The following SAMD12 variants were observed in gnomAD, a reference collection of about 807,000 sequenced individuals.
The protein encoded by SAMD12 is sterile alpha motif domain-containing protein 12.
Under a neutral mutation model 15.0 loss-of-function variants are expected in SAMD12, and 9 were observed. The ratio of observed to expected loss-of-function variants is 0.60; its 90% CI spans 0.36 to 1.05. The LOEUF is 1.05. SAMD12 is among the 50% of genes least tolerant of loss of function. The pLI is 0.01. For synonymous variants in SAMD12, 86 were observed against 90.1 expected, an observed-to-expected ratio of 0.96 and a Z score of 0.25; for missense variants, 230 against 234.2, an observed-to-expected ratio of 0.98 and a Z score of 0.12.
intron 2 of SAMD12, among the ~76,000 whole-genome samples, chr8:118,548,856 T>C (rs1826223650): frequency 6.6e-6 from 1 of 152,044 alleles, no homozygotes; most frequent in African/African-American, 2.4e-5. Flanking sequence ...ACTTAAAAAA[T>C]GGTGCACCAC....
chr8:118,449,828 A>G (rs1404021767), intron 2 of SAMD12, among the ~76,000 whole-genome samples: 1 of 151,690 alleles, frequency 6.6e-6, no homozygotes, highest in Non-Finnish European at 1.5e-5. Flanking sequence ...CAACAAAAAA[A>G]AAGGTGAGAA....
At chr8:118,315,702 A>C (rs1815858684) in intron 4 of SAMD12, among the ~76,000 whole-genome samples, 1 of 152,172 alleles carries the variant, frequency 6.6e-6, no homozygotes, top group Non-Finnish European at 1.5e-5. Context: ...AAACTTCCAG[A>C]AGCCTCCCAT....
At chr8:118,170,383 T>C in the SAMD12 span, among the ~76,000 whole-genome samples, 4 of 152,218 alleles carry the variant, frequency 2.6e-5, no homozygotes, top group Admixed American at 6.5e-5. Flanking sequence ...GAGGTCATAC[T>C]CTATACTATA....
At chr8:118,243,817 A>G (rs1459866116) in intron 4 of SAMD12, among the ~76,000 whole-genome samples, 1 of 152,096 alleles carries the variant, frequency 6.6e-6, no homozygotes, top group Non-Finnish European at 1.5e-5. Context: ...GAGAGGTGTA[A>G]AACTTTAAAG....
intron 2 of SAMD12, among the ~76,000 whole-genome samples, chr8:118,473,514 T>G (rs1252402274): frequency 6.6e-6 from 1 of 152,198 alleles, no homozygotes; most frequent in African/African-American, 2.4e-5. Context: ...ATCTTCATTT[T>G]CTGGATTTGC....
At chr8:118,428,159 T>C (rs1187632750) in intron 3 of SAMD12, among the ~76,000 whole-genome samples, 2 of 152,252 alleles carry the variant, frequency 1.3e-5, no homozygotes, top group Admixed American at 6.5e-5. Flanking sequence ...GTATTTTGTA[T>C]ACAAGTTCTT....
At chr8:118,467,502 T>G (rs938675583) in intron 2 of SAMD12, among the ~76,000 whole-genome samples, 1 of 152,316 alleles carries the variant, frequency 6.6e-6, no homozygotes, top group Admixed American at 6.5e-5. Flanking sequence ...CTGATCCAGA[T>G]TCTGTTAGAA....
chr8:118,168,948 A>C, the SAMD12 span, among the ~76,000 whole-genome samples: 7,365 of 152,276 alleles, frequency 0.048, 595 homozygotes, highest in African/African-American at 0.17. Flanking sequence ...GAATTACCTA[A>C]GAGATCACCC....
At chr8:118,310,090 T>C (rs1254816925) in intron 4 of SAMD12, among the ~76,000 whole-genome samples, 4 of 152,224 alleles carry the variant, frequency 2.6e-5, no homozygotes, top group Admixed American at 1.3e-4. Context: ...CACTAACACT[T>C]TTGCTGATGC....
At chr8:118,271,381 G>A (rs972557257) in intron 4 of SAMD12, among the ~76,000 whole-genome samples, 13 of 152,224 alleles carry the variant, frequency 8.5e-5, no homozygotes, top group African/African-American at 2.9e-4. Flanking sequence ...TCCCTCCCAT[G>A]ACATGCAGGG....
At chr8:118,356,870 C>G (rs1818253076) in intron 4 of SAMD12, among the ~76,000 whole-genome samples, 1 of 152,198 alleles carries the variant, frequency 6.6e-6, no homozygotes, top group Non-Finnish European at 1.5e-5. Context: ...TCTTAAAGCG[C>G]CCTTCTCCTC....
At chr8:118,236,761 T>C (rs1812440805) in intron 4 of SAMD12, among the ~76,000 whole-genome samples, 1 of 152,176 alleles carries the variant, frequency 6.6e-6, no homozygotes. Context: ...TAAGATGTGA[T>C]GTTATGCTTT....
chr8:118,447,962 T>C (rs939761298), intron 2 of SAMD12, among the ~76,000 whole-genome samples: 3 of 151,800 alleles, frequency 2.0e-5, no homozygotes, highest in Admixed American at 2.0e-4. Flanking sequence ...TCTCCTGACC[T>C]CGTGATCTGC....
chr8:118,182,191 A>G, the SAMD12 span, among the ~76,000 whole-genome samples: 1 of 152,184 alleles, frequency 6.6e-6, no homozygotes, highest in African/African-American at 2.4e-5. Context: ...TCAGACTTAC[A>G]TGGAAAGGAA....
chr8:118,523,751 T>A (rs1189023969), intron 2 of SAMD12, among the ~76,000 whole-genome samples: 6 of 152,076 alleles, frequency 3.9e-5, no homozygotes, highest in African/African-American at 1.4e-4. Context: ...CCTACTCCAA[T>A]CACTCATGGT....
chr8:118,470,809 A>G (rs759187837), intron 2 of SAMD12, among the ~76,000 whole-genome samples: 2 of 152,202 alleles, frequency 1.3e-5, no homozygotes, highest in Non-Finnish European at 2.9e-5. Flanking sequence ...TGCTCCCTCT[A>G]AAGAGTTCTT....
At chr8:118,477,407 C>T (rs1823990940) in intron 2 of SAMD12, among the ~76,000 whole-genome samples, 1 of 152,108 alleles carries the variant, frequency 6.6e-6, no homozygotes, top group Non-Finnish European at 1.5e-5. Context: ...GGCTGTTTCA[C>T]AAGTCCTCAA....
chr8:118,600,231 A>T (rs1241212136), intron 1 of SAMD12, among the ~76,000 whole-genome samples: 2 of 152,184 alleles, frequency 1.3e-5, no homozygotes, highest in Non-Finnish European at 2.9e-5. Flanking sequence ...CCAAATTTTT[A>T]AAAATGATAC....
At chr8:118,331,857 A>G (rs1816821203) in intron 4 of SAMD12, among the ~76,000 whole-genome samples, 2 of 152,194 alleles carry the variant, frequency 1.3e-5, no homozygotes, top group Admixed American at 6.5e-5. Flanking sequence ...AAAGTATGGT[A>G]ATTTCTTATT....
Sources: allele counts gnomAD v4.1 joint callset (sites outside exome capture counted in the v4.1 genomes callset), GRCh38; gene constraint gnomAD v4.1.1; transcripts MANE v1.5; gene names NCBI Gene and HGNC (gene_info 2026-07-23, HGNC 2026-07-21).